ARVCF: variants seen among roughly 807,000 people sequenced by gnomAD.
ARVCF encodes splicing regulator ARVCF.
A neutral mutation model predicts 90.9 loss-of-function variants in ARVCF; 66 were observed. The observed-to-expected ratio is 0.73, with a 90% CI of 0.60 to 0.89. ARVCF has a LOEUF of 0.89. ARVCF is among the 40% of genes least tolerant of loss of function. ARVCF has a pLI of 0.00. For missense variants in ARVCF, 1,469 were observed against 1,382.3 expected (o/e 1.06, Z -1.00); for synonymous variants, 653 against 603.4 (o/e 1.08, Z -1.21).
intron 1 of ARVCF, among the ~76,000 whole-genome samples, chr22:20,014,629 C>A (rs946162008): frequency 6.6e-6 from 1 of 152,250 alleles, no homozygotes; most frequent in Admixed American, 6.5e-5. Flanking sequence ...CCCCACCCTC[C>A]ATTCCTGGCC....
chr22:20,014,027 C>T (rs1944932834), intron 1 of ARVCF, among the ~76,000 whole-genome samples: 1 of 151,954 alleles, frequency 6.6e-6, no homozygotes, highest in Non-Finnish European at 1.5e-5. Flanking sequence ...CATATGCCAC[C>T]AGGTCCAGCT....
At chr22:19,972,872 T>C (rs1332570953) in intron 15 of ARVCF, 45 bp from the exon 16 acceptor site, 3 of 1,612,868 alleles carry the variant, frequency 1.9e-6, no homozygotes, top group African/African-American at 2.7e-5. Context: ...GCACATGGAG[T>C]GGGAATAAGG....
intron 1 of ARVCF, among the ~76,000 whole-genome samples, chr22:20,015,203 C>A (rs991453943): frequency 6.6e-6 from 1 of 152,224 alleles, no homozygotes; most frequent in Non-Finnish European, 1.5e-5. Flanking sequence ...ACCCTCTCAG[C>A]TGGGACTTGA....
chr22:19,979,143 G>A (rs1943335160), intron 6 of ARVCF, 63 bp from the exon 7 acceptor site: 20 of 1,553,594 alleles, frequency 1.3e-5, no homozygotes, highest in Non-Finnish European at 1.6e-5. Context: ...CTCCCCAGGT[G>A]GCCACGCTCA....
rs571113822 is a variant in ARVCF at position 20,006,343 on chromosome 22, C to T, written c.-19+4112G>A. Among the ~76,000 whole-genome samples, 41 of 151,350 alleles carry T rather than the reference C, an allele frequency of 2.7e-4. 1 individual carries two copies. In the South Asian group the frequency reaches 4.4e-3, roughly 16 times the overall value. ...CTGTAATCTCAGCACTTTGGGAGGC[C>T]AAGGCGGGCGGATCACGAGGTCAGG... On this transcript the variant is annotated intron_variant, in intron 2 of 19. Coordinates refer to ENST00000263207, the MANE Select transcript of ARVCF (RefSeq NM_001670.3).
At chr22:20,010,814 C>T (rs997540718) in intron 1 of ARVCF, among the ~76,000 whole-genome samples, 1 of 152,232 alleles carries the variant, frequency 6.6e-6, no homozygotes, top group African/African-American at 2.4e-5. Context: ...CCCCATCACA[C>T]ACAGCACAGC....
At chr22:19,971,119 G>T in intron 19 of ARVCF, 97 bp downstream of exon 19, 1 of 1,539,830 alleles carries the variant, frequency 6.5e-7, no homozygotes, top group Non-Finnish European at 8.8e-7. Context: ...CGGGGAACGT[G>T]CGGGAAGAGC....
In ARVCF at chr22:19,970,297, A is replaced by C; in HGVS notation, c.*459T>G. 1.0e-6 allele frequency: 1 copy of C among 991,242 alleles called. No homozygotes were observed. The highest frequency in any genetic ancestry group is 1.2e-6 in the Non-Finnish European group (1 of 833,426). 61.4% of individuals were successfully genotyped at this position (991,242 alleles called of 1,614,324 possible). The stretch of plus-strand genomic sequence containing the variant: ...GCCTGCCTGCAGGGTGCCCAGGGAG[A>C]CCCTCCGCCTTTAGAAGTCCAAGTT... On this transcript the variant is annotated 3_prime_UTR_variant, in exon 20 of 20. Transcript: ENST00000263207.
chr22:19,990,211 C>T (rs543829189), intron 3 of ARVCF, among the ~76,000 whole-genome samples: 22 of 152,280 alleles, frequency 1.4e-4, no homozygotes, highest in African/African-American at 5.1e-4. Context: ...TGGGCCTCCT[C>T]CTGGGGCTGA....
chr22:19,986,318 G>T (rs922156080), intron 3 of ARVCF, among the ~76,000 whole-genome samples: 2 of 152,210 alleles, frequency 1.3e-5, no homozygotes, highest in Non-Finnish European at 2.9e-5. Flanking sequence ...TGGGAGACCT[G>T]CCTCCCACCA....
intron 19 of ARVCF, among the ~76,000 whole-genome samples, 151 bp downstream of exon 19, chr22:19,971,065 C>G (rs1000193986): frequency 1.3e-5 from 2 of 152,160 alleles, no homozygotes; most frequent in Non-Finnish European, 2.9e-5. Context: ...CTGGTCTTTC[C>G]GGGAATGGGC....
At chr22:19,976,764 T>C in intron 9 of ARVCF, 41 bp from the exon 10 acceptor site, 2 of 1,554,086 alleles carry the variant, frequency 1.3e-6, no homozygotes, top group Non-Finnish European at 1.7e-6. Flanking sequence ...GAGAGGAGCC[T>C]GAACAGGCAG....
At chr22:19,972,001 G>T in intron 17 of ARVCF, 30 bp from the exon 18 acceptor site, 11 of 1,570,448 alleles carry the variant, frequency 7.0e-6, no homozygotes, top group Non-Finnish European at 8.7e-6. Flanking sequence ...GGGCATGAGG[G>T]GCGCTCTGAG....
At chr22:19,992,870 G>T (rs1356296965) in intron 2 of ARVCF, among the ~76,000 whole-genome samples, 1 of 152,192 alleles carries the variant, frequency 6.6e-6, no homozygotes, top group Non-Finnish European at 1.5e-5. Flanking sequence ...CCTGGCTCTG[G>T]GGACTAAAGA....
chr22:19,987,257 G>T (rs1199419319), intron 3 of ARVCF: 5 of 159,162 alleles, frequency 3.1e-5, no homozygotes, highest in African/African-American at 7.7e-5. Flanking sequence ...GCGGGGCCGC[G>T]CCCAGGTGGG....
rs571429775 is a variant in ARVCF, at chr22:19,977,347, T to C, written c.1870+68A>G. The C allele has an allele frequency of 4.7e-4, 683 of 1,460,110 alleles. 1 individual carries two copies. In the African/African-American group the frequency reaches 8.7e-3, roughly 19 times the overall value. The allele number at this position is 1,460,110 out of a possible 1,614,324, so 90.4% of individuals were successfully genotyped here. A position where few individuals can be genotyped will look rare whatever the true frequency, so the allele number is the denominator to read the frequency against. On this transcript the variant is annotated intron_variant, in intron 9 of 19. Transcript: ENST00000263207. ...CCTCCATGATGGGCTGCTGTGGGTG[T>C]ACAGAGAGCCTTCCGCTGGGGCAGG...
intron 2 of ARVCF, among the ~76,000 whole-genome samples, chr22:20,005,267 G>C (rs957571183): frequency 6.6e-6 from 1 of 151,694 alleles, no homozygotes; most frequent in Non-Finnish European, 1.5e-5. Flanking sequence ...ATATATAAAC[G>C]GCCAACAAGC....
In ARVCF at chr22:19,975,723, G is replaced by T. The variant is rs1569153064; in HGVS notation, c.1923C>A (p.Asp641Glu). 1 of 1,613,706 alleles carries T rather than the reference G, an allele frequency of 6.2e-7. No homozygotes were observed. The highest frequency in any genetic ancestry group is 1.3e-5 in the African/African-American group (1 of 75,054). ...KKDGEMDRNF[D>E]TLDLPKRTEA... ...CAGTTCGCTTGGGCAGGTCTAGCGT[G>T]TCAAAGTTCCGGTCCATCTCACCAT... Residue 641 changes from aspartate (D) to glutamate (E), a missense_variant, in exon 11 of 20, where the codon GAC (aspartate) becomes GAA (glutamate). Asp to Glu is a conservative substitution (Grantham distance 45). Transcript: ENST00000263207.
Position 19,996,602 on chromosome 22 carries a change from G to T in ARVCF, c.-18-5790C>A, listed in dbSNP as rs139175367. Reference sequence around the variant, plus strand: ...ATTTGTAACATACAACAACAAAGTGGCATCCTCAGCCCATTAGGTGCTCTC... The same window carrying T: ...ATTTGTAACATACAACAACAAAGTGTCATCCTCAGCCCATTAGGTGCTCTC... On this transcript the variant is annotated intron_variant, in intron 2 of 19. Coordinates refer to ENST00000263207, the MANE Select transcript of ARVCF (RefSeq NM_001670.3). 6.0e-3 allele frequency among the ~76,000 whole-genome samples: 911 copies of T among 152,306 alleles called. 10 individuals are homozygous for T. Among genetic ancestry groups the T allele is most frequent in the African/African-American group, 0.02 (840 of 41,556 alleles).
Sources: gnomAD v4.1 joint callset for allele counts (sites outside exome capture counted in the v4.1 genomes callset) on GRCh38, gnomAD v4.1.1 for gene constraint, MANE v1.5 for transcripts, NCBI Gene and HGNC (gene_info 2026-07-23, HGNC 2026-07-21) for gene names.